The following ARHGEF4 variants were observed in gnomAD, a reference collection of about 807,000 sequenced individuals.
ARHGEF4 encodes the protein APC-stimulated guanine nucleotide exchange factor 1.
Under a neutral mutation model 162.0 loss-of-function variants are expected in ARHGEF4, and 119 were observed. The observed-to-expected ratio is 0.73, with a 90% CI of 0.63 to 0.86. ARHGEF4 has a LOEUF of 0.86. Among genes scored for constraint, ARHGEF4 ranks in the 40% least tolerant of loss-of-function variants. The pLI is 0.00. For missense variants in ARHGEF4, 2,488 were observed against 2,456.0 expected, an observed-to-expected ratio of 1.01 and a Z score of -0.28; for synonymous variants, 1,014 against 979.9, an observed-to-expected ratio of 1.03 and a Z score of -0.65.
In ARHGEF4 at chr2:130,985,838, G is replaced by A. The variant is rs139637103; in HGVS notation, c.3985+39203G>A. Among the ~76,000 whole-genome samples, 42 of 151,926 alleles carry A rather than the reference G, an allele frequency of 2.8e-4. 1 individual carries two copies. The highest frequency in any genetic ancestry group is 8.0e-4 in the African/African-American group (33 of 41,420). On this transcript the variant is annotated intron_variant, in intron 4 of 13. Coordinates refer to ENST00000409359, the MANE Select transcript of ARHGEF4 (RefSeq NM_001367493.1). ...TGTGTATATGTTGTGTGTGTTGTACGTGCATGGTGTGTTTTGTATATGTTG... is the reference window on the plus strand; with the variant it reads ...TGTGTATATGTTGTGTGTGTTGTACATGCATGGTGTGTTTTGTATATGTTG...
rs114717290 is a variant in ARHGEF4 at position 130,846,565 on chromosome 2, C to T, written c.39+9573C>T. 4.7e-3 allele frequency among the ~76,000 whole-genome samples: 709 copies of T among 152,246 alleles called. 9 individuals are homozygous for T. The highest frequency in any genetic ancestry group is 0.016 in the African/African-American group (651 of 41,540). On this transcript the variant is annotated intron_variant, in intron 1 of 13. Transcript: ENST00000409359. ...TGCACATGGGGAGAGCGATATGGGA[C>T]GGCGAGAGAGAAGGGACTTAGGGCA... is the stretch of plus-strand genomic sequence containing the variant.
chr2:130,914,804 C>T lies in ARHGEF4; in HGVS notation c.858C>T (p.Ser286=). Residue 286 remains serine (S), a synonymous_variant, in exon 2 of 14, where the codon TCC becomes TCT. Transcript: ENST00000409359. ...GPAGDTELLW[S]QPHSDVPCQP... is the part of the protein sequence containing the mutation. The stretch of plus-strand genomic sequence containing the variant: ...CAGGGGACACAGAATTGCTCTGGTC[C>T]CAGCCCCACTCGGATGTCCCCTGCC... 1.4e-6 allele frequency: 2 copies of T among 1,447,980 alleles called. No individual in the cohort carries two copies. The highest frequency in any genetic ancestry group is 1.5e-5 in the South Asian group (1 of 67,922). 89.7% of individuals were successfully genotyped at this position (1,447,980 alleles called of 1,614,324 possible). A position where few individuals can be genotyped will look rare whatever the true frequency, so the allele number is the denominator to read the frequency against.
intron 4 of ARHGEF4, among the ~76,000 whole-genome samples, chr2:131,023,185 T>G (rs1573637118): frequency 6.6e-6 from 1 of 151,836 alleles, no homozygotes; most frequent in East Asian, 1.9e-4. Flanking sequence ...TCTCAGCACT[T>G]TGGGAGGCTG....
chr2:130,923,110 T>C (rs1681990697), intron 2 of ARHGEF4, among the ~76,000 whole-genome samples: 1 of 152,114 alleles, frequency 6.6e-6, no homozygotes, highest in South Asian at 2.1e-4. Context: ...TTTGTATTTT[T>C]AGTAGAGATG....
chr2:130,927,508 CAG>C (rs1194827311), intron 2 of ARHGEF4, among the ~76,000 whole-genome samples: 3 of 152,132 alleles, frequency 2.0e-5, no homozygotes, highest in Admixed American at 6.5e-5. Flanking sequence ...GTGAGGGAGA[CAG>C]GGGTGTGTTG....
chr2:131,042,081 G>A, intron 10 of ARHGEF4, 137 bp downstream of exon 10: 1 of 1,292,830 alleles, frequency 7.7e-7, no homozygotes, highest in Non-Finnish European at 1.0e-6. Flanking sequence ...TGCTCATGGT[G>A]TGAAAGCCTG....
chr2:131,035,384 A>G, intron 5 of ARHGEF4: 1 of 856,952 alleles, frequency 1.2e-6, no homozygotes, highest in Admixed American at 5.3e-5. Flanking sequence ...TGTGCTCACT[A>G]CCAGGGCCTG....
At chr2:130,953,497 C>G (rs370884499) in intron 4 of ARHGEF4, among the ~76,000 whole-genome samples, 1 of 152,108 alleles carries the variant, frequency 6.6e-6, no homozygotes, top group Non-Finnish European at 1.5e-5. Flanking sequence ...TAGGCATGGG[C>G]GAGGACTTCA....
intron 1 of ARHGEF4, among the ~76,000 whole-genome samples, chr2:130,865,865 TGA>T (rs1044295740): frequency 1.3e-5 from 2 of 152,086 alleles, no homozygotes; most frequent in African/African-American, 4.8e-5. Context: ...GGCCTTAGAC[TGA>T]GGGGGGATCT....
chr2:131,046,877 T>A lies in ARHGEF4; in HGVS notation c.*688T>A, dbSNP rs1691304668. On this transcript the variant is annotated 3_prime_UTR_variant, in exon 14 of 14. Coordinates refer to ENST00000409359, the MANE Select transcript of ARHGEF4 (RefSeq NM_001367493.1). ...TCGGGAGTGTGGTCAGTCTGCCTGC[T>A]GCTGTGCGGTAGCTCCAGAACCACC... The A allele has an allele frequency of 6.5e-6, 1 of 152,734 alleles. No homozygotes were observed. The highest frequency in any genetic ancestry group is 1.5e-5 in the Non-Finnish European group (1 of 68,066). The allele number at this position is 152,734 out of a possible 1,614,324, so 9.5% of individuals were successfully genotyped here.
intron 4 of ARHGEF4, among the ~76,000 whole-genome samples, chr2:130,997,572 T>C (rs926785853): frequency 6.6e-6 from 1 of 152,178 alleles, no homozygotes; most frequent in Non-Finnish European, 1.5e-5. Flanking sequence ...CTCCATTACA[T>C]AGAGTGTGCG....
At position 130,866,874 on chromosome 2, in the gene ARHGEF4, C is replaced by G. The variant is rs568193665; in HGVS notation, c.39+29882C>G. Among the ~76,000 whole-genome samples the G allele has an allele frequency of 3.9e-5, 6 of 152,076 alleles. 1 individual carries two copies. Among genetic ancestry groups the G allele is most frequent in the Non-Finnish European group, 7.4e-5 (5 of 68,018 alleles). On this transcript the variant is annotated intron_variant, in intron 1 of 13. Transcript: ENST00000409359. The stretch of plus-strand genomic sequence containing the variant: ...TCCTTTTTTGATTTTGTAATGCTGG[C>G]CTCCTGGGATGAGTTAGGAAGTGTT...
intron 1 of ARHGEF4, among the ~76,000 whole-genome samples, chr2:130,875,885 G>A (rs1678799795): frequency 6.6e-6 from 1 of 152,162 alleles, no homozygotes; most frequent in African/African-American, 2.4e-5. Flanking sequence ...CCATATGGAA[G>A]CCAGTCTTTA....
In ARHGEF4 at chr2:131,045,947, A is replaced by T; in HGVS notation, c.5480-91A>T. 5.3e-6 allele frequency: 8 copies of T among 1,512,028 alleles called. No homozygotes were observed. In the South Asian group the frequency reaches 9.2e-5, roughly 17 times the overall value. The allele number at this position is 1,512,028 out of a possible 1,614,324, so 93.7% of individuals were successfully genotyped here. On this transcript the variant is annotated intron_variant, in intron 13 of 13. Transcript: ENST00000409359. ...GCCTCCTACGGCGGCTCTGAAGCAGAGCCCTGGGACGGACCCCATGCTGTC... is the reference window on the plus strand; with the variant it reads ...GCCTCCTACGGCGGCTCTGAAGCAGTGCCCTGGGACGGACCCCATGCTGTC...
intron 4 of ARHGEF4, among the ~76,000 whole-genome samples, chr2:131,016,490 G>C (rs1194510751): frequency 6.6e-6 from 1 of 152,242 alleles, no homozygotes; most frequent in African/African-American, 2.4e-5. Flanking sequence ...CCAGATTCCT[G>C]TTTCTACTCC....
At chr2:131,035,962 C>A in intron 5 of ARHGEF4, 2 of 697,786 alleles carry the variant, frequency 2.9e-6, no homozygotes, top group Non-Finnish European at 3.5e-6. Context: ...CGCTCCCTGC[C>A]CTGGGCTATT....
chr2:130,844,413 T>G (rs1227739806), intron 1 of ARHGEF4, among the ~76,000 whole-genome samples: 2 of 152,222 alleles, frequency 1.3e-5, no homozygotes, highest in African/African-American at 4.8e-5. Context: ...GTTGGCCAGA[T>G]GCAAACCCCG....
At chr2:130,917,563 C>A (rs1190841679) in intron 2 of ARHGEF4, 65 bp downstream of exon 2, 3 of 1,472,982 alleles carry the variant, frequency 2.0e-6, no homozygotes, top group Non-Finnish European at 2.7e-6. Flanking sequence ...GGGGAGCAGG[C>A]GGGAATCTTC....
intron 5 of ARHGEF4, among the ~76,000 whole-genome samples, chr2:131,034,469 G>A (rs1361740591): frequency 1.3e-5 from 2 of 152,214 alleles, no homozygotes; most frequent in Non-Finnish European, 2.9e-5. Flanking sequence ...GCTGCGGTCA[G>A]TGAAGAGGGG....
Sources: allele counts gnomAD v4.1 joint callset (sites outside exome capture counted in the v4.1 genomes callset), GRCh38; gene constraint gnomAD v4.1.1; transcripts MANE v1.5; gene names NCBI Gene and HGNC (gene_info 2026-07-23, HGNC 2026-07-21).